The following TCF3 variants were observed in gnomAD, a reference collection of about 807,000 sequenced individuals.
TCF3 encodes the protein transcription factor 3.
TCF3 carries 54 observed loss-of-function variants against 72.3 expected under a neutral mutation model. The ratio of observed to expected loss-of-function variants is 0.75; its 90% confidence interval spans 0.60 to 0.94. TCF3 has a LOEUF of 0.94. Ranked by LOEUF, TCF3 falls within the 40% of genes least tolerant of loss-of-function variation. TCF3 has a pLI of 0.00. For missense variants in TCF3, 1,078 were observed against 934.4 expected, an observed-to-expected ratio of 1.15 and a Z score of -2.00; for synonymous variants, 525 against 412.6, an observed-to-expected ratio of 1.27 and a Z score of -3.30.
At chr19:1,613,140 C>A (rs112365936) in intron 18 of TCF3, among the ~76,000 whole-genome samples, 1 of 151,318 alleles carries the variant, frequency 6.6e-6, no homozygotes, top group African/African-American at 2.4e-5. Flanking sequence ...GGCAGCAGTA[C>A]GGGTCCACAT....
chr19:1,612,846 C>A (rs2061168899), intron 18 of TCF3, among the ~76,000 whole-genome samples: 2 of 144,946 alleles, frequency 1.4e-5, no homozygotes, highest in Admixed American at 1.4e-4. Context: ...AGTGCAGGTA[C>A]ACGGCTGGTG....
intron 3 of TCF3, among the ~76,000 whole-genome samples, chr19:1,636,537 G>A (rs753350866): frequency 2.6e-5 from 4 of 152,152 alleles, no homozygotes; most frequent in Non-Finnish European, 4.4e-5. Context: ...GGACTCAGGC[G>A]CTCCTCCCAC....
chr19:1,619,635 GTGTGTGC>G, intron 14 of TCF3, 138 bp downstream of exon 14: 1 of 1,278,594 alleles, frequency 7.8e-7, no homozygotes, highest in African/African-American at 1.5e-5. Flanking sequence ...CACACAAAAT[GTGTGTGC>G]CTTGGCGGCC....
In TCF3 at chr19:1,619,782, G is replaced by A; in HGVS notation, c.1165C>T (p.Leu389=). The A allele has an allele frequency of 1.3e-6, 2 of 1,553,342 alleles. No homozygotes were observed. Among genetic ancestry groups the A allele is most frequent in the East Asian group, 2.4e-5 (1 of 41,108 alleles). The change falls in exon 14 of 19, where the codon CTG becomes TTG. Residue 389 remains leucine (L), a splice_region_variant and synonymous_variant. Transcript: ENST00000262965. ...GGTGGGGCGGGGCAGGCACTCACCAGGCCGTGGAGACCCCCGTCGTAGCTG... is the reference window on the plus strand; with the variant it reads ...GGTGGGGCGGGGCAGGCACTCACCAAGCCGTGGAGACCCCCGTCGTAGCTG... ...SPSYDGGLHG[L]QSKIEDHLDE...
At chr19:1,645,232 C>G (rs950343266) in intron 3 of TCF3, among the ~76,000 whole-genome samples, 2 of 152,062 alleles carry the variant, frequency 1.3e-5, no homozygotes, top group Non-Finnish European at 2.9e-5. Flanking sequence ...ACCCAGATCC[C>G]GGAGGCAGGA....
intron 5 of TCF3, 198 bp downstream of exon 5, chr19:1,631,840 G>A: frequency 2.1e-6 from 3 of 1,401,770 alleles, no homozygotes; most frequent in South Asian, 2.6e-5. Flanking sequence ...TAGTTGCAGA[G>A]TGCCGTGCCA....
chr19:1,651,785 G>A (rs2067118777), intron 1 of TCF3, among the ~76,000 whole-genome samples: 1 of 151,760 alleles, frequency 6.6e-6, no homozygotes, highest in Non-Finnish European at 1.5e-5. Flanking sequence ...ACGCGGAGCA[G>A]ATGTTACCCG....
rs370851297 is a variant in TCF3, at chr19:1,610,260, C to G, written c.*1447G>C. 8.6e-6 allele frequency: 2 copies of G among 232,156 alleles called. No individual in the cohort carries two copies. The highest frequency in any genetic ancestry group is 5.6e-5 in the Admixed American group (1 of 17,754). The allele number at this position is 232,156 out of a possible 1,614,324, so 14.4% of individuals were successfully genotyped here. A position where few individuals can be genotyped will look rare whatever the true frequency, so the allele number is the denominator to read the frequency against. On this transcript the variant is annotated 3_prime_UTR_variant, in exon 19 of 19. Transcript: ENST00000262965. ...GGCCTTCGTGGGGCTCAGACCAGCA[C>G]AGTCCCCCGGCTCCAGCCACTCTTG... is the stretch of plus-strand genomic sequence containing the variant.
At chr19:1,620,412 C>T (rs142133210) in intron 13 of TCF3, among the ~76,000 whole-genome samples, 63 of 152,320 alleles carry the variant, frequency 4.1e-4, no homozygotes, top group Middle Eastern at 6.8e-3. Context: ...AGGGTCTGCC[C>T]TCCCATGCCG....
rs928478054 is a variant in TCF3 at position 1,610,927 on chromosome 19, G to A, written c.*780C>T. The A allele has an allele frequency of 1.7e-5, 3 of 175,662 alleles. No homozygotes were observed. The highest frequency in any genetic ancestry group is 5.8e-5 in the African/African-American group (2 of 34,566). 10.9% of individuals were successfully genotyped at this position (175,662 alleles called of 1,614,324 possible). ...TCTGTCTGTGTGCAGTGGCTTCCGG[G>A]GGGGGGGGGGGACGGGGGGGCTCAG... On this transcript the variant is annotated 3_prime_UTR_variant, in exon 19 of 19. Coordinates refer to ENST00000262965, the MANE Select transcript of TCF3 (RefSeq NM_003200.5).
chr19:1,625,224 C>T (rs1270650798), intron 7 of TCF3, among the ~76,000 whole-genome samples: 2 of 152,354 alleles, frequency 1.3e-5, no homozygotes, highest in Admixed American at 6.5e-5. Context: ...TGACGTGCCT[C>T]GCGGGGGATG....
intron 3 of TCF3, among the ~76,000 whole-genome samples, chr19:1,643,207 C>G (rs2065591802): frequency 6.6e-6 from 1 of 152,136 alleles, no homozygotes; most frequent in South Asian, 2.1e-4. Flanking sequence ...ATTCGTTAAT[C>G]TCTAATGCCT....
chr19:1,635,884 G>C (rs75732450), intron 3 of TCF3, among the ~76,000 whole-genome samples: 1 of 152,242 alleles, frequency 6.6e-6, no homozygotes, highest in Non-Finnish European at 1.5e-5. Flanking sequence ...TCCTCACGCA[G>C]GTTCCGTTTA....
At chr19:1,621,727 G>A (rs571824839) in intron 11 of TCF3, 111 bp downstream of exon 11, 4 of 1,373,190 alleles carry the variant, frequency 2.9e-6, no homozygotes, top group Non-Finnish European at 3.8e-6. Flanking sequence ...CCGCTCTCAG[G>A]GCCAGCAGAC....
Position 1,627,418 on chromosome 19 carries a change from C to A in TCF3, c.307G>T (p.Gly103Cys). 1 of 1,611,958 alleles carries A rather than the reference C, an allele frequency of 6.2e-7. No individual in the cohort carries two copies. Among genetic ancestry groups the A allele is most frequent in the Non-Finnish European group, 8.5e-7 (1 of 1,179,684 alleles). ...FLGPGLGGKS[G>C]ERGAYASFGR... ...AAGGAGGCATAGGCGCCCCGCTCACCGCTCTTGCCTGCAAGGGGAGAAGGA... is the reference window on the plus strand; with the variant it reads ...AAGGAGGCATAGGCGCCCCGCTCACAGCTCTTGCCTGCAAGGGGAGAAGGA... The change falls in exon 6 of 19, where the codon GGT becomes TGT. Residue 103 changes from glycine to cysteine, a missense_variant. Gly to Cys is a radical substitution (Grantham distance 159). Coordinates refer to ENST00000262965, the MANE Select transcript of TCF3 (RefSeq NM_003200.5).
At position 1,647,896 on chromosome 19, in the gene TCF3, G is replaced by A. The variant is rs138979922; in HGVS notation, c.73-1469C>T. Among the ~76,000 whole-genome samples, 19 of 152,328 alleles carry A rather than the reference G, an allele frequency of 1.2e-4. No individual in the cohort carries two copies. In the East Asian group the frequency reaches 3.3e-3, roughly 26 times the overall value. On this transcript the variant is annotated intron_variant, in intron 2 of 18. Coordinates refer to ENST00000262965, the MANE Select transcript of TCF3 (RefSeq NM_003200.5). ...ACCGAGGGCTCTGGCTGTGTGGGAC[G>A]TGGTGAAACCCAAAAGCCCATGGGA...
At chr19:1,612,097 G>A in intron 18 of TCF3, 3 of 1,162,454 alleles carry the variant, frequency 2.6e-6, no homozygotes, top group Non-Finnish European at 3.6e-6. Flanking sequence ...CAGCCACAAA[G>A]ACAGACATGG....
intron 1 of TCF3, chr19:1,650,746 C>T (rs976363482): frequency 1.9e-4 from 43 of 232,006 alleles, no homozygotes; most frequent in Middle Eastern, 2.6e-3. Context: ...GTGATTCCCC[C>T]CTCCCCCAGC....
At chr19:1,624,450 G>A (rs1025704092) in intron 7 of TCF3, among the ~76,000 whole-genome samples, 10 of 152,154 alleles carry the variant, frequency 6.6e-5, no homozygotes, top group African/African-American at 2.2e-4. Flanking sequence ...CTATTTATAC[G>A]GCTCCAAAGA....
Sources: allele counts gnomAD v4.1 joint callset (sites outside exome capture counted in the v4.1 genomes callset), GRCh38; gene constraint gnomAD v4.1.1; transcripts MANE v1.5; gene names NCBI Gene and HGNC (gene_info 2026-07-23, HGNC 2026-07-21).